Variants in TBC1D1 observed in about 807,000 individuals in gnomAD.
TBC1D1 encodes TBC1 domain family member 1.
In TBC1D1, 89 loss-of-function variants were observed where a neutral mutation model predicts 125.6. The ratio of observed to expected loss-of-function variants is 0.71; its 90% CI spans 0.60 to 0.85. TBC1D1 has a LOEUF of 0.85. TBC1D1 is among the 40% of genes least tolerant of loss of function. The probability of loss-of-function intolerance (pLI) is 0.00; values close to 1 mark genes in which losing one functional copy is unlikely to be tolerated. For synonymous variants in TBC1D1, 565 were observed against 564.1 expected, an observed-to-expected ratio of 1.00 and a Z score of -0.02; for missense variants, 1,377 against 1,469.2, an observed-to-expected ratio of 0.94 and a Z score of 1.03.
intron 15 of TBC1D1, chr4:38,110,341 C>T (rs1037901260): frequency 1.0e-6 from 1 of 983,180 alleles, no homozygotes; most frequent in African/African-American, 1.7e-5. Flanking sequence ...TTTCTGATGC[C>T]TGGGATGTGC....
At position 38,068,721 on chromosome 4, in the gene TBC1D1, C is replaced by A. The variant is rs571117774; in HGVS notation, c.2050+14383C>A. Among the ~76,000 whole-genome samples, 260 of 152,270 alleles carry A rather than the reference C, an allele frequency of 1.7e-3. 1 individual carries two copies. Among genetic ancestry groups the A allele is most frequent in the Admixed American group, 4.6e-3 (71 of 15,302 alleles). ...CTCACATTAGCCTCATTTCAAGAGC[C>A]ACATGTGGCTACCGTATTGTAAGCA... is the stretch of plus-strand genomic sequence containing the variant. On this transcript the variant is annotated intron_variant, in intron 12 of 19. Transcript: ENST00000261439.
At chr4:38,119,522 A>G (rs993494884) in intron 17 of TBC1D1, among the ~76,000 whole-genome samples, 2 of 152,200 alleles carry the variant, frequency 1.3e-5, no homozygotes, top group Admixed American at 6.5e-5. Flanking sequence ...TGGTTAAAAA[A>G]AAAAAAAGAT....
In TBC1D1 at chr4:37,995,284, C is replaced by T. The variant is rs1212194367; in HGVS notation, c.418-19225C>T. On this transcript the variant is annotated intron_variant, in intron 2 of 19. Transcript: ENST00000261439. This position sits in a 1 kb window ranked among gnomAD's most constrained non-coding sequence, Gnocchi z 4.3. ...GTTAGGCACTGGCTACGAATTCAGACTTGGAAACTTCGTTGTCTGTGCAAC... is the reference window on the plus strand; with the variant it reads ...GTTAGGCACTGGCTACGAATTCAGATTTGGAAACTTCGTTGTCTGTGCAAC... 6.6e-6 allele frequency among the ~76,000 whole-genome samples: 1 copy of T among 152,190 alleles called. No homozygotes were observed. Among genetic ancestry groups the T allele is most frequent in the Non-Finnish European group, 1.5e-5 (1 of 68,026 alleles).
rs776007779 is a variant in TBC1D1, at chr4:37,960,613, C to T, written c.418-53896C>T. On this transcript the variant is annotated intron_variant, in intron 2 of 19. Transcript: ENST00000261439. ...GCTCCATCAGCCTTACCTAAAGCTACCAGAAAGGCTTTGGGCACTGTCAAC... is the reference window on the plus strand; with the variant it reads ...GCTCCATCAGCCTTACCTAAAGCTATCAGAAAGGCTTTGGGCACTGTCAAC... 9 of 1,614,142 alleles carry T rather than the reference C, an allele frequency of 5.6e-6. No individual in the cohort carries two copies. The South Asian group carries it at 9.9e-5, about 18-fold the overall frequency.
In TBC1D1 at chr4:37,946,468, T is replaced by C. The variant is rs1314619860; in HGVS notation, c.417+43956T>C. ...CATAAATATGTACACTTATTACATA[T>C]GTAGAATTATAACACTAAAAGGGAA... On this transcript the variant is annotated intron_variant, in intron 2 of 19. Coordinates refer to ENST00000261439, the MANE Select transcript of TBC1D1 (RefSeq NM_015173.4). 2.0e-5 allele frequency among the ~76,000 whole-genome samples: 3 copies of C among 152,238 alleles called. No individual in the cohort carries two copies. The East Asian group carries it at 5.8e-4, about 29-fold the overall frequency.
At chr4:38,127,612 G>A (rs1393933874) in intron 18 of TBC1D1, among the ~76,000 whole-genome samples, 1 of 152,058 alleles carries the variant, frequency 6.6e-6, no homozygotes, top group African/African-American at 2.4e-5. Flanking sequence ...TTGAACTCCT[G>A]GCCTCAAGTG....
At chr4:38,075,831 C>T (rs772142130) in intron 12 of TBC1D1, among the ~76,000 whole-genome samples, 3 of 152,184 alleles carry the variant, frequency 2.0e-5, no homozygotes, top group East Asian at 1.9e-4. Flanking sequence ...ACCCCCATCA[C>T]GGTTTTCTTG....
rs539492940 is a variant in TBC1D1, at chr4:37,960,505, T to C, written c.418-54004T>C. 6.8e-6 allele frequency: 11 copies of C among 1,614,162 alleles called. No individual in the cohort carries two copies. The South Asian group carries it at 1.1e-4, about 16-fold the overall frequency. ...ACCCGTGTGGCTGCCAAGGATGTGC[T>C]GAAGCTGGAGTCTAGACCTTCAATC... On this transcript the variant is annotated intron_variant, in intron 2 of 19. Transcript: ENST00000261439.
chr4:38,049,255 G>A (rs1750031388), intron 10 of TBC1D1, among the ~76,000 whole-genome samples: 1 of 152,172 alleles, frequency 6.6e-6, no homozygotes, highest in Admixed American at 6.5e-5. Flanking sequence ...ACTTGGTTAA[G>A]CAGTGGAGAC....
rs79254279 is a variant in TBC1D1 at position 38,021,824 on chromosome 4, T to C, written c.1210+106T>C. On this transcript the variant is annotated intron_variant, in intron 6 of 19. Transcript: ENST00000261439. ...GAAGATTCTGCCTAACAGAGGCTTG[T>C]ATTAGTCACAGGGATTGTAGGTGGA... is the stretch of plus-strand genomic sequence containing the variant. The C allele has an allele frequency of 9.1e-3, 11,497 of 1,269,316 alleles. 472 individuals are homozygous for C. The African/African-American group carries it at 0.098, about 11-fold the overall frequency. 78.6% of individuals were successfully genotyped at this position (1,269,316 alleles called of 1,614,324 possible). A position where few individuals can be genotyped will look rare whatever the true frequency, so the allele number is the denominator to read the frequency against.
chr4:38,009,875 T>G (rs917363180), intron 2 of TBC1D1, among the ~76,000 whole-genome samples: 9 of 152,202 alleles, frequency 5.9e-5, no homozygotes, highest in Non-Finnish European at 8.8e-5. Context: ...CCCCACACCC[T>G]TATTGAATCT....
chr4:37,915,276 T>C (rs1419550539), intron 2 of TBC1D1, among the ~76,000 whole-genome samples: 2 of 152,142 alleles, frequency 1.3e-5, no homozygotes, highest in Non-Finnish European at 2.9e-5. Flanking sequence ...ACAGAACCAA[T>C]AGGATACACA....
At chr4:38,112,203 C>T in intron 15 of TBC1D1, 2 of 500,716 alleles carry the variant, frequency 4.0e-6, no homozygotes, top group Non-Finnish European at 5.2e-6. Flanking sequence ...TCAGTTCTAC[C>T]TGCTTGTGAG....
chr4:38,124,489 G>T (rs1764334710), intron 17 of TBC1D1, among the ~76,000 whole-genome samples: 1 of 152,212 alleles, frequency 6.6e-6, no homozygotes, highest in Admixed American at 6.5e-5. Flanking sequence ...TACTTCTGCA[G>T]TTGTACAGCT....
At chr4:37,904,079 A>G (rs1341791221) in intron 2 of TBC1D1, among the ~76,000 whole-genome samples, 1 of 152,162 alleles carries the variant, frequency 6.6e-6, no homozygotes, top group African/African-American at 2.4e-5. Flanking sequence ...CAGGCAATTG[A>G]GTCTGTTTTC....
intron 18 of TBC1D1, among the ~76,000 whole-genome samples, chr4:38,127,257 T>C (rs1450949842): frequency 6.6e-6 from 1 of 152,140 alleles, no homozygotes; most frequent in African/African-American, 2.4e-5. Context: ...ATACATCAGG[T>C]GCTGTTTCAG....
chr4:38,084,676 TTA>T (rs963764608), intron 12 of TBC1D1, among the ~76,000 whole-genome samples: 2 of 152,218 alleles, frequency 1.3e-5, no homozygotes, highest in Non-Finnish European at 2.9e-5. Flanking sequence ...CAGAATCGAT[TTA>T]TGTTGTTCAA....
At chr4:38,100,535 T>C (rs1053418131) in intron 14 of TBC1D1, among the ~76,000 whole-genome samples, 1 of 152,222 alleles carries the variant, frequency 6.6e-6, no homozygotes, top group Non-Finnish European at 1.5e-5. Context: ...TAATTATATC[T>C]GCAAAGAAGG....
chr4:38,004,593 A>T (rs1739718439), intron 2 of TBC1D1, among the ~76,000 whole-genome samples: 1 of 152,184 alleles, frequency 6.6e-6, no homozygotes, highest in Middle Eastern at 3.2e-3. Context: ...AAGGAATGAG[A>T]TGGTTCTAAT....
Sources: gnomAD v4.1 joint callset for allele counts (sites outside exome capture counted in the v4.1 genomes callset) on GRCh38, gnomAD v4.1.1 for gene constraint, Gnocchi (gnomAD v3.1) non-coding constraint, MANE v1.5 for transcripts, NCBI Gene and HGNC (gene_info 2026-07-23, HGNC 2026-07-21) for gene names.